The following PARD3B variants were observed in gnomAD, a reference collection of about 807,000 sequenced individuals.
The protein encoded by PARD3B is partitioning defective 3 homolog B.
Under a neutral mutation model 130.2 loss-of-function variants are expected in PARD3B, and 103 were observed. That is an observed-to-expected ratio of 0.79 (90% CI 0.67 to 0.93). The LOEUF (loss-of-function observed/expected upper bound fraction) is 0.93, where lower values mean the gene tolerates loss of function less well. PARD3B is among the 40% of genes least tolerant of loss of function. The pLI, the probability that PARD3B is intolerant of heterozygous loss-of-function variation, is 0.00. For synonymous variants in PARD3B, 583 were observed against 553.2 expected, an observed-to-expected ratio of 1.05 and a Z score of -0.76; for missense variants, 1,609 against 1,499.2, an observed-to-expected ratio of 1.07 and a Z score of -1.21.
intron 18 of PARD3B, among the ~76,000 whole-genome samples, chr2:205,390,233 A>C (rs2045806317): frequency 6.6e-6 from 1 of 151,824 alleles, no homozygotes; most frequent in South Asian, 2.1e-4. Context: ...CAGGGGAAAA[A>C]ACAATTCTAT....
At chr2:205,378,965 C>T (rs1341796317) in intron 18 of PARD3B, among the ~76,000 whole-genome samples, 3 of 151,354 alleles carry the variant, frequency 2.0e-5, no homozygotes, top group Admixed American at 6.6e-5. Context: ...AGAAAAGAAC[C>T]GTCTGTGGCT....
rs2046957476 is a variant in PARD3B at position 205,421,141 on chromosome 2, AAAAC to A, written c.2742-19225_2742-19222del. ...CAAGACTCCATCTCAAAAAACAAAA[AAAAC>A]AAAACAAAAAAAACGGAAAAGAAAA... On this transcript the variant is annotated intron_variant, in intron 19 of 22. Transcript: ENST00000406610. This position sits in a 1 kb window ranked among gnomAD's most constrained non-coding sequence, Gnocchi z 5.1. Among the ~76,000 whole-genome samples the A allele has an allele frequency of 6.6e-6, 1 of 152,082 alleles. No homozygotes were observed. The highest frequency in any genetic ancestry group is 2.4e-5 in the African/African-American group (1 of 41,414).
rs1350239209 is a variant in PARD3B at position 204,669,954 on chromosome 2, G to A, written c.121-16227G>A. Among the ~76,000 whole-genome samples the A allele has an allele frequency of 6.6e-6, 1 of 152,020 alleles. No homozygotes were observed. The highest frequency in any genetic ancestry group is 2.4e-5 in the African/African-American group (1 of 41,392). On this transcript the variant is annotated intron_variant, in intron 1 of 22. Transcript: ENST00000406610. This position sits in a 1 kb window ranked among gnomAD's most constrained non-coding sequence, Gnocchi z 4.3. The stretch of plus-strand genomic sequence containing the variant: ...TAATGGAAAGGATGGAAAAGTTGGG[G>A]GACTCTAAATTCACTAAGTTCCCAT...
chr2:205,337,451 T>G (rs1165728051), intron 18 of PARD3B, among the ~76,000 whole-genome samples: 2 of 152,234 alleles, frequency 1.3e-5, no homozygotes, highest in African/African-American at 4.8e-5. Context: ...GGAAAAATGT[T>G]TTGGCAACTG....
At chr2:204,561,965 G>A (rs1574464719) in intron 1 of PARD3B, among the ~76,000 whole-genome samples, 1 of 152,218 alleles carries the variant, frequency 6.6e-6, no homozygotes, top group East Asian at 1.9e-4. Context: ...AGGGATTGCC[G>A]CTGTTAGGAC....
intron 10 of PARD3B, among the ~76,000 whole-genome samples, chr2:205,131,771 C>T (rs2032021331): frequency 6.6e-6 from 1 of 152,148 alleles, no homozygotes; most frequent in Non-Finnish European, 1.5e-5. Flanking sequence ...AGACCGTAAG[C>T]AGCCCAGTTT....
At chr2:205,185,414 A>T (rs2036040300) in intron 13 of PARD3B, among the ~76,000 whole-genome samples, 1 of 152,212 alleles carries the variant, frequency 6.6e-6, no homozygotes, top group Admixed American at 6.5e-5. Context: ...CTTGTTTACA[A>T]AAATATTAAG....
chr2:204,811,280 T>C (rs1290625053), intron 2 of PARD3B, among the ~76,000 whole-genome samples: 1 of 152,178 alleles, frequency 6.6e-6, no homozygotes, highest in African/African-American at 2.4e-5. Flanking sequence ...TTTCTTGGAG[T>C]TAAATTGGAA....
intron 22 of PARD3B, among the ~76,000 whole-genome samples, chr2:205,614,791 A>AGGGAC (rs2055361736): frequency 2.0e-5 from 3 of 151,986 alleles, no homozygotes; most frequent in African/African-American, 7.2e-5. Context: ...TAGGGAGGGG[A>AGGGAC]GGGACATATG....
chr2:204,871,744 G>C (rs2045637446), intron 2 of PARD3B, among the ~76,000 whole-genome samples: 2 of 151,960 alleles, frequency 1.3e-5, no homozygotes, highest in South Asian at 4.1e-4. Context: ...TAGTCCTGTT[G>C]GGTGTAATTC....
At position 204,970,512 on chromosome 2, in the gene PARD3B, G is replaced by C. The variant is rs79610254; in HGVS notation, c.394+5189G>C. ...GTCCTTTCTCCAATGGGCCATGATG[G>C]TTCCTTGAGTGTTTTATTAATACCA... On this transcript the variant is annotated intron_variant, in intron 3 of 22. Coordinates refer to ENST00000406610, the MANE Select transcript of PARD3B (RefSeq NM_001302769.2). Among the ~76,000 whole-genome samples the C allele has an allele frequency of 5.9e-5, 9 of 152,224 alleles. 1 individual carries two copies. The East Asian group carries it at 1.7e-3, about 29-fold the overall frequency.
At chr2:205,609,550 T>C (rs1370782785) in intron 22 of PARD3B, among the ~76,000 whole-genome samples, 1 of 152,016 alleles carries the variant, frequency 6.6e-6, no homozygotes, top group Non-Finnish European at 1.5e-5. Context: ...AAAGGCTACT[T>C]TGGAAGTTAA....
intron 18 of PARD3B, among the ~76,000 whole-genome samples, chr2:205,362,464 G>A (rs2044425827): frequency 6.6e-6 from 1 of 152,184 alleles, no homozygotes; most frequent in Non-Finnish European, 1.5e-5. Flanking sequence ...GAAGTAGGCA[G>A]GGCAAAGAAT....
At chr2:205,335,296 G>A (rs1485386125) in intron 18 of PARD3B, among the ~76,000 whole-genome samples, 1 of 152,200 alleles carries the variant, frequency 6.6e-6, no homozygotes, top group African/African-American at 2.4e-5. Flanking sequence ...GACAGCAAAT[G>A]TCTACAATGT....
intron 4 of PARD3B, among the ~76,000 whole-genome samples, chr2:205,050,970 G>T (rs1699151562): frequency 6.6e-6 from 1 of 152,072 alleles, no homozygotes; most frequent in African/African-American, 2.4e-5. Context: ...ACTGTCAGAG[G>T]TGTCCATGTA....
rs1181712731 is a variant in PARD3B, at chr2:204,758,526, C to T, written c.222+72244C>T. On this transcript the variant is annotated intron_variant, in intron 2 of 22. Coordinates refer to ENST00000406610, the MANE Select transcript of PARD3B (RefSeq NM_001302769.2). ...ATTTTAAAGCAGTGGCTCTCAACTT[C>T]GGCTGCACAGAAGAATCACTTAGGG... is the stretch of plus-strand genomic sequence containing the variant. 3.9e-5 allele frequency among the ~76,000 whole-genome samples: 6 copies of T among 152,142 alleles called. No homozygotes were observed. The East Asian group carries it at 7.7e-4, about 20-fold the overall frequency.
chr2:205,522,116 TTTTTTG>T (rs1445338972), intron 21 of PARD3B, among the ~76,000 whole-genome samples: 6 of 149,472 alleles, frequency 4.0e-5, no homozygotes, highest in African/African-American at 1.5e-4. Context: ...TTAATAATTA[TTTTTTG>T]TTTTCATTTA....
In PARD3B at chr2:204,692,036, A is replaced by G. The variant is rs529060558; in HGVS notation, c.222+5754A>G. On this transcript the variant is annotated intron_variant, in intron 2 of 22. Transcript: ENST00000406610. ...TGGAGACTGGTTTGCGCAATGCTGC[A>G]TGAACTAGTGACCTAAAGCCAGGCT... is the stretch of plus-strand genomic sequence containing the variant. Among the ~76,000 whole-genome samples, 140 of 152,280 alleles carry G rather than the reference A, an allele frequency of 9.2e-4. 1 individual carries two copies. In the South Asian group the frequency reaches 0.011, roughly 12 times the overall value.
chr2:204,960,389 T>C (rs766093516), intron 2 of PARD3B, among the ~76,000 whole-genome samples: 40 of 152,070 alleles, frequency 2.6e-4, no homozygotes, highest in Non-Finnish European at 4.3e-4. Flanking sequence ...ATAGATAATC[T>C]CCAGTTTTGG....
Sources: gnomAD v4.1 joint callset for allele counts (sites outside exome capture counted in the v4.1 genomes callset) on GRCh38, gnomAD v4.1.1 for gene constraint, Gnocchi (gnomAD v3.1) non-coding constraint, MANE v1.5 for transcripts, NCBI Gene and HGNC (gene_info 2026-07-23, HGNC 2026-07-21) for gene names.